The following SPAG16 variants were observed in gnomAD, a reference collection of about 807,000 sequenced individuals.
SPAG16 encodes sperm associated antigen 16.
Under a neutral mutation model 80.4 loss-of-function variants are expected in SPAG16, and 86 were observed. The observed-to-expected ratio is 1.07, with a 90% CI of 0.90 to 1.28. The LOEUF is 1.28. SPAG16 is among the 50% of genes most tolerant of loss of function. The pLI is 0.00. For missense variants in SPAG16, 870 were observed against 765.3 expected (o/e 1.14, Z -1.61); for synonymous variants, 294 against 265.9 (o/e 1.11, Z -1.03).
At chr2:214,326,944 C>CAAAAAAAAAAAAA (rs5838428) in intron 15 of SPAG16, among the ~76,000 whole-genome samples, 2 of 64,464 alleles carry the variant, frequency 3.1e-5, no homozygotes, top group African/African-American at 6.8e-5. Context: ...GACTAAGTCT[C>CAAAAAAAAAAAAA]AAAAAAAAAA....
chr2:214,080,778 A>G (rs1246974323), intron 13 of SPAG16, among the ~76,000 whole-genome samples: 1 of 152,146 alleles, frequency 6.6e-6, no homozygotes, highest in Non-Finnish European at 1.5e-5. Flanking sequence ...ACCCAATCAA[A>G]ACAAACATAA....
chr2:213,709,941 A>G (rs1471112313), intron 10 of SPAG16, among the ~76,000 whole-genome samples: 1 of 152,226 alleles, frequency 6.6e-6, no homozygotes, highest in East Asian at 1.9e-4. Context: ...TATTGAAATC[A>G]ATGTGTAAGT....
At chr2:214,205,565 C>T (rs1299079049) in intron 15 of SPAG16, among the ~76,000 whole-genome samples, 3 of 152,070 alleles carry the variant, frequency 2.0e-5, no homozygotes, top group African/African-American at 7.2e-5. Context: ...CACACATCAG[C>T]TTGAGTATAT....
rs150461453 is a variant in SPAG16 at position 213,560,329 on chromosome 2, A to C, written c.1070+70239A>C. Among the ~76,000 whole-genome samples, 84 of 152,256 alleles carry C rather than the reference A, an allele frequency of 5.5e-4. No homozygotes were observed. In the East Asian group the frequency reaches 0.014, roughly 26 times the overall value. ...TGTTTAGAAAGTTTGTAACTCCTTG[A>C]ACTAACAAAAGTCACAATGAGTCAT... On this transcript the variant is annotated intron_variant, in intron 10 of 15. Transcript: ENST00000331683.
chr2:214,205,894 A>G (rs1559128039), intron 15 of SPAG16, among the ~76,000 whole-genome samples: 3 of 152,116 alleles, frequency 2.0e-5, no homozygotes, highest in Admixed American at 2.0e-4. Context: ...TTTGAAATGT[A>G]CAACAAATTA....
At chr2:213,430,253 G>T (rs1470944150) in intron 9 of SPAG16, among the ~76,000 whole-genome samples, 1 of 152,204 alleles carries the variant, frequency 6.6e-6, no homozygotes, top group Non-Finnish European at 1.5e-5. Context: ...GAGCATTTTG[G>T]AACGTGAAGA....
intron 15 of SPAG16, among the ~76,000 whole-genome samples, chr2:214,331,653 C>T (rs1170635386): frequency 6.7e-6 from 1 of 150,280 alleles, no homozygotes; most frequent in African/African-American, 2.5e-5. Context: ...AGAATGGTAC[C>T]CCGTCCAAGC....
intron 9 of SPAG16, among the ~76,000 whole-genome samples, chr2:213,440,327 A>G (rs899199278): frequency 6.6e-6 from 1 of 152,174 alleles, no homozygotes; most frequent in Admixed American, 6.6e-5. Context: ...AGGCAGGCAG[A>G]TCACGAGGTC....
intron 15 of SPAG16, among the ~76,000 whole-genome samples, chr2:214,244,591 G>A (rs896226680): frequency 1.2e-4 from 19 of 152,052 alleles, no homozygotes; most frequent in Admixed American, 1.2e-3. Context: ...AATAATTGCT[G>A]TAAGTGAGCT....
intron 15 of SPAG16, among the ~76,000 whole-genome samples, chr2:214,264,204 T>G (rs1488520015): frequency 1.3e-5 from 2 of 152,128 alleles, no homozygotes; most frequent in Non-Finnish European, 2.9e-5. Context: ...CTTGGAGAAA[T>G]CAGATCAAAT....
intron 10 of SPAG16, among the ~76,000 whole-genome samples, chr2:213,606,335 C>G (rs1415986906): frequency 6.6e-6 from 1 of 152,180 alleles, no homozygotes; most frequent in Non-Finnish European, 1.5e-5. Flanking sequence ...TATTACAAAA[C>G]CATTTTCCAA....
At chr2:213,595,413 A>G (rs530275925) in intron 10 of SPAG16, among the ~76,000 whole-genome samples, 14 of 152,190 alleles carry the variant, frequency 9.2e-5, no homozygotes, top group Non-Finnish European at 1.8e-4. Flanking sequence ...AAAGACACAT[A>G]GGCAGGTAAC....
At chr2:213,565,462 A>G (rs964620612) in intron 10 of SPAG16, among the ~76,000 whole-genome samples, 1 of 152,248 alleles carries the variant, frequency 6.6e-6, no homozygotes, top group Non-Finnish European at 1.5e-5. Flanking sequence ...GTTATAAAGC[A>G]TGCGAGAGCT....
chr2:213,817,733 C>T (rs11691588), intron 10 of SPAG16, among the ~76,000 whole-genome samples: 91,891 of 151,834 alleles, frequency 0.61, 29,737 homozygotes, highest in South Asian at 0.86. Context: ...AAACCAAATA[C>T]CACATGTTCT....
chr2:214,110,950 C>T (rs1339948653), intron 14 of SPAG16, among the ~76,000 whole-genome samples: 3 of 152,070 alleles, frequency 2.0e-5, no homozygotes, highest in African/African-American at 7.2e-5. Flanking sequence ...AGTGTCTGTT[C>T]ATGTCCTTTG....
intron 10 of SPAG16, among the ~76,000 whole-genome samples, chr2:213,551,482 G>A (rs2076778368): frequency 6.6e-6 from 1 of 152,116 alleles, no homozygotes; most frequent in Non-Finnish European, 1.5e-5. Context: ...TTATTTTTAG[G>A]TTTTGGTATC....
intron 10 of SPAG16, among the ~76,000 whole-genome samples, chr2:213,546,319 T>G (rs1334006008): frequency 6.6e-6 from 1 of 152,174 alleles, no homozygotes; most frequent in Non-Finnish European, 1.5e-5. Context: ...GTGCCCCTTT[T>G]TTTTAGCAAG....
At chr2:214,052,636 A>C (rs2049712825) in intron 13 of SPAG16, among the ~76,000 whole-genome samples, 1 of 152,142 alleles carries the variant, frequency 6.6e-6, no homozygotes, top group South Asian at 2.1e-4. Flanking sequence ...ATATAAACTC[A>C]ATCAAGAAAA....
intron 10 of SPAG16, among the ~76,000 whole-genome samples, chr2:213,809,701 A>G (rs2072006890): frequency 6.6e-6 from 1 of 152,148 alleles, no homozygotes; most frequent in Non-Finnish European, 1.5e-5. Context: ...AGAAAAAGTG[A>G]AAAGATTGAT....
Sources: allele counts gnomAD v4.1 joint callset (sites outside exome capture counted in the v4.1 genomes callset), GRCh38; gene constraint gnomAD v4.1.1; transcripts MANE v1.5; gene names NCBI Gene and HGNC (gene_info 2026-07-23, HGNC 2026-07-21).